Variants in LRP1B observed in about 807,000 individuals in gnomAD.
The protein encoded by LRP1B is LDL receptor related protein 1B.
A neutral mutation model predicts 556.6 loss-of-function variants in LRP1B; 217 were observed. The observed-to-expected ratio is 0.39, with a 90% CI of 0.35 to 0.44. The LOEUF is 0.44. Ranked by LOEUF, LRP1B falls within the 20% of genes least tolerant of loss-of-function variation. The pLI, the probability that LRP1B is intolerant of heterozygous loss-of-function variation, is 1.00. For synonymous variants in LRP1B, 2,047 were observed against 1,865.8 expected, an observed-to-expected ratio of 1.10 and a Z score of -2.50; for missense variants, 5,053 against 5,620.8, an observed-to-expected ratio of 0.90 and a Z score of 3.23.
At chr2:141,767,222 T>C (rs1694758791) in intron 2 of LRP1B, among the ~76,000 whole-genome samples, 1 of 152,102 alleles carries the variant, frequency 6.6e-6, no homozygotes, top group South Asian at 2.1e-4. Context: ...CATCCTTTAG[T>C]ATCTGGCTAG....
intron 1 of LRP1B, among the ~76,000 whole-genome samples, chr2:141,947,992 C>T (rs1701002928): frequency 1.3e-5 from 2 of 151,908 alleles, no homozygotes; most frequent in Non-Finnish European, 2.9e-5. Context: ...TCAGTTTTCT[C>T]ATTTATAAAA....
At chr2:140,650,926 A>G (rs1198589646) in intron 41 of LRP1B, among the ~76,000 whole-genome samples, 1 of 152,102 alleles carries the variant, frequency 6.6e-6, no homozygotes, top group Non-Finnish European at 1.5e-5. Flanking sequence ...ACTCTAATAG[A>G]ATAAACATGT....
chr2:142,113,307 G>T (rs1284150201), intron 1 of LRP1B, among the ~76,000 whole-genome samples: 2 of 152,012 alleles, frequency 1.3e-5, no homozygotes, highest in Non-Finnish European at 2.9e-5. Context: ...TTACTTTCCA[G>T]CTAGCTCTGT....
intron 1 of LRP1B, among the ~76,000 whole-genome samples, chr2:142,118,992 A>G (rs1013783001): frequency 3.3e-5 from 5 of 152,174 alleles, no homozygotes; most frequent in Non-Finnish European, 7.4e-5. Context: ...TGAAAAGTAA[A>G]CTTAAAGTGA....
chr2:140,237,036 C>G (rs1026838186), intron 89 of LRP1B, among the ~76,000 whole-genome samples: 11 of 150,800 alleles, frequency 7.3e-5, no homozygotes, highest in African/African-American at 2.2e-4. Flanking sequence ...CATTAAAAAT[C>G]CTTTTCTAGC....
chr2:142,068,025 G>C (rs1280205678), intron 1 of LRP1B, among the ~76,000 whole-genome samples: 1 of 151,522 alleles, frequency 6.6e-6, no homozygotes, highest in East Asian at 1.9e-4. Flanking sequence ...CTTCCTAGCA[G>C]TCTAGGAGCT....
intron 41 of LRP1B, among the ~76,000 whole-genome samples, chr2:140,608,869 T>A (rs1184628351): frequency 2.6e-5 from 4 of 152,174 alleles, no homozygotes; most frequent in African/African-American, 9.7e-5. Flanking sequence ...AGTGTGGATT[T>A]CTTTTGCCGG....
At chr2:141,899,293 C>T (rs919475793) in intron 1 of LRP1B, among the ~76,000 whole-genome samples, 7 of 152,028 alleles carry the variant, frequency 4.6e-5, no homozygotes, top group South Asian at 2.1e-4. Context: ...TCTGTCTTCT[C>T]GCAACATAAG....
chr2:140,356,097 G>C (rs943302135), intron 75 of LRP1B, among the ~76,000 whole-genome samples: 3 of 151,816 alleles, frequency 2.0e-5, no homozygotes, highest in Non-Finnish European at 2.9e-5. Context: ...TGTAGCAATA[G>C]AATTGAAATT....
intron 25 of LRP1B, among the ~76,000 whole-genome samples, chr2:140,872,165 C>A (rs1693155302): frequency 6.8e-6 from 1 of 147,834 alleles, no homozygotes; most frequent in African/African-American, 2.5e-5. Flanking sequence ...GCTGTCTTTC[C>A]CTTCTCTTTC....
At chr2:141,369,958 C>A (rs1689170237) in intron 3 of LRP1B, among the ~76,000 whole-genome samples, 1 of 152,156 alleles carries the variant, frequency 6.6e-6, no homozygotes, top group African/African-American at 2.4e-5. Context: ...CATGTTGCTG[C>A]AAAAGACATG....
intron 2 of LRP1B, among the ~76,000 whole-genome samples, chr2:141,670,973 T>G (rs1690644578): frequency 6.6e-6 from 1 of 152,200 alleles, no homozygotes; most frequent in Admixed American, 6.5e-5. Flanking sequence ...TAAAAACTAA[T>G]ATATAATGGT....
intron 34 of LRP1B, 69 bp from the exon 35 acceptor site, chr2:140,769,413 T>G (rs1033357375): frequency 7.2e-7 from 1 of 1,391,660 alleles, no homozygotes. Flanking sequence ...ACAAATAATT[T>G]CATTTGTATT....
intron 3 of LRP1B, among the ~76,000 whole-genome samples, chr2:141,337,568 G>T (rs1001215878): frequency 1.3e-5 from 2 of 152,012 alleles, no homozygotes; most frequent in South Asian, 2.1e-4. Context: ...TTAAATTTTG[G>T]CAAAATTCAA....
At chr2:141,221,306 A>C (rs1398458248) in intron 6 of LRP1B, among the ~76,000 whole-genome samples, 1 of 127,326 alleles carries the variant, frequency 7.9e-6, no homozygotes, top group African/African-American at 2.7e-5. Flanking sequence ...AAAAAAAAAA[A>C]AACCAAAGGG....
chr2:141,426,714 T>C (rs1680377070), intron 3 of LRP1B, among the ~76,000 whole-genome samples: 1 of 152,208 alleles, frequency 6.6e-6, no homozygotes, highest in Non-Finnish European at 1.5e-5. Context: ...TAATGCTTTT[T>C]TATTTGTTAT....
chr2:141,667,358 T>A (rs1284435987), intron 2 of LRP1B, among the ~76,000 whole-genome samples: 1 of 152,186 alleles, frequency 6.6e-6, no homozygotes, highest in African/African-American at 2.4e-5. Context: ...TTTCTCTAAA[T>A]CAGACCACTA....
At chr2:141,432,288 C>T (rs1185073158) in intron 3 of LRP1B, among the ~76,000 whole-genome samples, 1 of 152,050 alleles carries the variant, frequency 6.6e-6, no homozygotes, top group Admixed American at 6.6e-5. Flanking sequence ...TTTCTCGAAT[C>T]CCATTTGGTC....
At chr2:141,032,725 A>G (rs1419213188) in intron 11 of LRP1B, among the ~76,000 whole-genome samples, 1 of 151,060 alleles carries the variant, frequency 6.6e-6, no homozygotes, top group African/African-American at 2.4e-5. Flanking sequence ...TTTTGCTTAG[A>G]TTATCTTTCA....
Sources: allele counts gnomAD v4.1 joint callset (sites outside exome capture counted in the v4.1 genomes callset), GRCh38; gene constraint gnomAD v4.1.1; transcripts MANE v1.5; gene names NCBI Gene and HGNC (gene_info 2026-07-23, HGNC 2026-07-21).